The following AAK1 variants were observed in gnomAD, a reference collection of about 807,000 sequenced individuals.
AAK1 encodes the protein AP2-associated protein kinase 1.
In AAK1, 37 loss-of-function variants were observed where a neutral mutation model predicts 116.0. The ratio of observed to expected loss-of-function variants is 0.32; its 90% CI spans 0.25 to 0.42. The LOEUF is 0.42. AAK1 is among the 10% of genes least tolerant of loss of function. The probability of loss-of-function intolerance (pLI) is 1.00; values close to 1 mark genes in which losing one functional copy is unlikely to be tolerated. For missense variants in AAK1, 919 were observed against 1,170.6 expected (o/e 0.79, Z 3.14); for synonymous variants, 458 against 439.9 (o/e 1.04, Z -0.51).
Position 69,532,163 on chromosome 2 carries a change from CT to C in AAK1, c.535-2del. 1 of 1,613,020 alleles carries C rather than the reference CT, an allele frequency of 6.2e-7. No homozygotes were observed. The highest frequency in any genetic ancestry group is 8.5e-7 in the Non-Finnish European group (1 of 1,179,244). On this transcript the variant is annotated splice_acceptor_variant, in intron 5 of 21. Coordinates refer to ENST00000409085, the MANE Select transcript of AAK1 (RefSeq NM_014911.5). LOFTEE classifies it high-confidence loss of function. The stretch of plus-strand genomic sequence containing the variant: ...GGTCATGCAAGAGGATGTTTTCAAC[CT>C]GAAAAACATTCCCCAACCACCCATT...
intron 2 of AAK1, among the ~76,000 whole-genome samples, chr2:69,614,664 T>C (rs1358492657): frequency 1.3e-5 from 2 of 152,180 alleles, no homozygotes; most frequent in African/African-American, 4.8e-5. Context: ...CCCAGAAACC[T>C]GTAAATGTGA....
At chr2:69,614,693 T>C (rs1478249238) in intron 2 of AAK1, among the ~76,000 whole-genome samples, 1 of 151,302 alleles carries the variant, frequency 6.6e-6, no homozygotes, top group Non-Finnish European at 1.5e-5. Context: ...AGAAAAAGAG[T>C]CTTTGTAGGT....
intron 16 of AAK1, among the ~76,000 whole-genome samples, chr2:69,502,678 T>C (rs1676027255): frequency 6.6e-6 from 1 of 152,230 alleles, no homozygotes; most frequent in Non-Finnish European, 1.5e-5. Context: ...TGGCCTGGGC[T>C]GTGCTGGCTG....
At chr2:69,520,502 G>A (rs1241722242) in intron 11 of AAK1, among the ~76,000 whole-genome samples, 2 of 151,900 alleles carry the variant, frequency 1.3e-5, no homozygotes, top group East Asian at 1.9e-4. Context: ...GGGACTACAG[G>A]CGCACACCAC....
chr2:69,515,336 G>C (rs772184596), intron 12 of AAK1, among the ~76,000 whole-genome samples: 10 of 152,168 alleles, frequency 6.6e-5, no homozygotes, highest in African/African-American at 2.4e-4. Context: ...TTGTTTGTTT[G>C]TTTGAGATAG....
chr2:69,547,227 C>G (rs1670964747), intron 3 of AAK1, among the ~76,000 whole-genome samples: 1 of 152,122 alleles, frequency 6.6e-6, no homozygotes, highest in Admixed American at 6.6e-5. Context: ...AGATATGACA[C>G]TTAAAGCTCA....
At position 69,480,874 on chromosome 2, in the gene AAK1, G is replaced by T; in HGVS notation, c.2555C>A (p.Thr852Asn). ...QRLPSQTESV[T>N]SNRTDSLTGE... ...ACCTGACTGACCTGTGCGATTCGAG[G>T]TCACAGATTCCGTCTGAGATGGGAG... Residue 852 changes from threonine (T) to asparagine (N), a missense_variant, in exon 19 of 22, where the codon ACC becomes AAC. Thr to Asn is a moderately conservative substitution (Grantham distance 65). This residue lies in a region of AAK1 where 263 missense variants were observed against 285.5 expected (regional missense o/e 0.92). Transcript: ENST00000409085. 6.2e-7 allele frequency: 1 copy of T among 1,600,390 alleles called. No individual in the cohort carries two copies. The highest frequency in any genetic ancestry group is 1.3e-5 in the African/African-American group (1 of 74,826).
chr2:69,519,221 G>C lies in AAK1; in HGVS notation c.1230C>G (p.Gly410=). 6.3e-7 allele frequency: 1 copy of C among 1,583,670 alleles called. No individual in the cohort carries two copies. The highest frequency in any genetic ancestry group is 1.2e-5 in the South Asian group (1 of 86,416). ...TTGGTTGGGGAACACTGGCTAAAAGGCCAGGCTGATTGCTGGATCCTGCAA... is the reference window on the plus strand; with the variant it reads ...TTGGTTGGGGAACACTGGCTAAAAGCCCAGGCTGATTGCTGGATCCTGCAA... ...PQAAGSSNQP[G]LLASVPQPKP... The change falls in exon 12 of 22, where the codon GGC becomes GGG. Residue 410 remains glycine, a synonymous_variant. Coordinates refer to ENST00000409085, the MANE Select transcript of AAK1 (RefSeq NM_014911.5).
Position 69,461,582 on chromosome 2 carries a change from G to A in AAK1, c.*14287C>T. On this transcript the variant is annotated 3_prime_UTR_variant, in exon 22 of 22. Coordinates refer to ENST00000409085, the MANE Select transcript of AAK1 (RefSeq NM_014911.5). ...GGTATGTAGAGTCTCCACCCATCAT[G>A]TCTCCAGTGACAATTTTTTTTTTTT... 2.4e-6 allele frequency: 1 copy of A among 421,326 alleles called. No homozygotes were observed. Among genetic ancestry groups the A allele is most frequent in the Non-Finnish European group, 4.7e-6 (1 of 213,778 alleles). The allele number at this position is 421,326 out of a possible 1,614,324, so 26.1% of individuals were successfully genotyped here. A position where few individuals can be genotyped will look rare whatever the true frequency, so the allele number is the denominator to read the frequency against.
intron 2 of AAK1, among the ~76,000 whole-genome samples, chr2:69,581,088 G>A (rs1460553749): frequency 6.6e-6 from 1 of 152,056 alleles, no homozygotes; most frequent in Non-Finnish European, 1.5e-5. Flanking sequence ...AGCCTGCTGA[G>A]AGGACAAAAG....
intron 2 of AAK1, among the ~76,000 whole-genome samples, chr2:69,640,051 A>ACC (rs34183429): frequency 9.9e-6 from 1 of 100,748 alleles, no homozygotes; most frequent in Non-Finnish European, 1.9e-5. Context: ...ACACACACAC[A>ACC]CACTCTCTCT....
chr2:69,581,522 A>G lies in AAK1; in HGVS notation c.164-24544T>C, dbSNP rs192264940. 2.1e-3 allele frequency among the ~76,000 whole-genome samples: 326 copies of G among 152,324 alleles called. 3 individuals carry two copies. Among genetic ancestry groups the G allele is most frequent in the Non-Finnish European group, 3.9e-3 (262 of 68,024 alleles). On this transcript the variant is annotated intron_variant, in intron 2 of 21. Coordinates refer to ENST00000409085, the MANE Select transcript of AAK1 (RefSeq NM_014911.5). The stretch of plus-strand genomic sequence containing the variant: ...CTCTAAATACGTTTGAAAATGGCCC[A>G]TTTGAAAATGGACTGGCCCACCTGC...
chr2:69,500,733 A>ACACACACACACACAC (rs1558913778), intron 16 of AAK1, among the ~76,000 whole-genome samples: 1 of 142,762 alleles, frequency 7.0e-6, no homozygotes, highest in African/African-American at 2.6e-5. Context: ...ACACACACAC[A>ACACACACACACACAC]ACCATTTGCA....
At chr2:69,531,699 G>A in intron 6 of AAK1, 1 of 1,032,182 alleles carries the variant, frequency 9.7e-7, no homozygotes, top group Non-Finnish European at 1.2e-6. Flanking sequence ...CATGGTTGTT[G>A]TGATCATACT....
intron 2 of AAK1, among the ~76,000 whole-genome samples, chr2:69,579,340 G>A (rs1672447665): frequency 3.3e-5 from 5 of 152,162 alleles, no homozygotes; most frequent in African/African-American, 1.2e-4. Flanking sequence ...AGTACTTTGG[G>A]AGGCCGAGGT....
intron 6 of AAK1, among the ~76,000 whole-genome samples, chr2:69,531,399 GAGA>G (rs1186890326): frequency 6.6e-6 from 1 of 152,194 alleles, no homozygotes; most frequent in Non-Finnish European, 1.5e-5. Flanking sequence ...TGAAAGGACA[GAGA>G]AGATCAGGAT....
intron 4 of AAK1, among the ~76,000 whole-genome samples, chr2:69,543,699 C>A (rs571856487): frequency 6.6e-6 from 1 of 152,318 alleles, no homozygotes; most frequent in South Asian, 2.1e-4. Context: ...AGCCACCGCG[C>A]CCGGCCTATG....
chr2:69,589,560 T>C (rs1283012638), intron 2 of AAK1, among the ~76,000 whole-genome samples: 1 of 151,744 alleles, frequency 6.6e-6, no homozygotes, highest in African/African-American at 2.4e-5. Context: ...AATACAAAAA[T>C]TAGCCGGGCT....
intron 2 of AAK1, among the ~76,000 whole-genome samples, chr2:69,559,617 G>A (rs920097343): frequency 6.6e-6 from 1 of 152,330 alleles, no homozygotes; most frequent in Non-Finnish European, 1.5e-5. Flanking sequence ...CACTCCTAGA[G>A]AGTATTAAGT....
Sources: gnomAD v4.1 joint callset for allele counts (sites outside exome capture counted in the v4.1 genomes callset) on GRCh38, gnomAD v4.1.1 for gene constraint, gnomAD v4.1.1 regional missense constraint, MANE v1.5 for transcripts, NCBI Gene and HGNC (gene_info 2026-07-23, HGNC 2026-07-21) for gene names.